The following MTM1 variants were observed in gnomAD, a reference collection of about 807,000 sequenced individuals.
MTM1 encodes the protein myotubularin.
A neutral mutation model predicts 52.1 loss-of-function variants in MTM1; 9 were observed. The ratio of observed to expected loss-of-function variants is 0.17; its 90% CI spans 0.10 to 0.30. MTM1 has a LOEUF of 0.30. Ranked by LOEUF, MTM1 falls within the 10% of genes least tolerant of loss-of-function variation. The pLI is 1.00. For missense variants in MTM1, 277 were observed against 470.7 expected (o/e 0.59, Z 3.81); for synonymous variants, 136 against 163.8 (o/e 0.83, Z 1.29).
At chrX:150,573,934 T>TGA (rs2038423341) in intron 1 of MTM1, among the ~76,000 whole-genome samples, 2 of 111,943 alleles carry the variant, frequency 1.8e-5, no homozygotes, top group African/African-American at 6.5e-5. Context: ...TTGGTTTCAG[T>TGA]GAGACCCCAG....
intron 1 of MTM1, among the ~76,000 whole-genome samples, chrX:150,588,834 C>G (rs1018466448): frequency 2.7e-5 from 3 of 111,859 alleles, no homozygotes; most frequent in Non-Finnish European, 3.8e-5. Flanking sequence ...CCTGCCTGGA[C>G]CATCCTGATC....
chrX:150,598,731 A>G (rs1383353631), intron 4 of MTM1, 45 bp downstream of exon 4: 3 of 856,113 alleles, frequency 3.5e-6, no homozygotes, highest in African/African-American at 2.0e-5. Flanking sequence ...ACTGTTAAAG[A>G]TAATGCTAAA....
chrX:150,589,968 G>A (rs1240075866), intron 1 of MTM1, among the ~76,000 whole-genome samples: 3 of 111,136 alleles, frequency 2.7e-5, no homozygotes, highest in Non-Finnish European at 5.7e-5. Context: ...ACACTGTGTG[G>A]TTCCAAGCCC....
At chrX:150,583,349 TTA>T (rs2038647670) in intron 1 of MTM1, among the ~76,000 whole-genome samples, 3 of 42,747 alleles carry the variant, frequency 7.0e-5, no homozygotes, top group Non-Finnish European at 1.1e-4. Context: ...TTATATATAA[TTA>T]TAAATATATA....
At chrX:150,666,325 A>G (rs781975252) in intron 14 of MTM1, among the ~76,000 whole-genome samples, 1 of 112,228 alleles carries the variant, frequency 8.9e-6, no homozygotes, top group South Asian at 3.7e-4. Context: ...ACTTCTATAT[A>G]TTTTATACCC....
intron 1 of MTM1, among the ~76,000 whole-genome samples, chrX:150,576,774 G>T (rs1049941951): frequency 2.7e-5 from 3 of 111,296 alleles, no homozygotes; most frequent in African/African-American, 9.8e-5. Flanking sequence ...TCAGCCTCTT[G>T]CCCTTTTCAC....
Position 150,671,567 on chromosome X carries a change from T to C in MTM1, c.1784T>C (p.Met595Thr). The C allele has an allele frequency of 8.3e-7, 1 of 1,211,338 alleles. No homozygotes were observed. Among genetic ancestry groups the C allele is most frequent in the South Asian group, 1.8e-5 (1 of 56,953 alleles). Residue 595 changes from methionine to threonine, a missense_variant, in exon 15 of 15, where the codon ATG (methionine) becomes ACG (threonine). By Grantham distance (81) the Met-to-Thr change is moderately conservative. This residue lies in a region of MTM1 where 51 missense variants were observed against 52.2 expected (regional missense o/e 0.98). Coordinates refer to ENST00000370396, the MANE Select transcript of MTM1 (RefSeq NM_000252.3). ...PPTSPSSPSQ[M>T]MPHVQTHF ...ACTTCACCTTCCAGTCCTTCGCAAATGATGCCCCATGTGCAAACTCACTTC... is the reference window on the plus strand; with the variant it reads ...ACTTCACCTTCCAGTCCTTCGCAAACGATGCCCCATGTGCAAACTCACTTC...
At chrX:150,596,031 A>AC (rs782240428) in intron 2 of MTM1, among the ~76,000 whole-genome samples, 26 of 110,344 alleles carry the variant, frequency 2.4e-4, no homozygotes, top group African/African-American at 7.9e-4. Context: ...ATAGGTAATC[A>AC]ATGATTTTCG....
intron 6 of MTM1, among the ~76,000 whole-genome samples, chrX:150,625,519 A>C (rs781817945): frequency 1.8e-5 from 2 of 112,302 alleles, no homozygotes; most frequent in Admixed American, 1.9e-4. Flanking sequence ...TTTGAAAGTC[A>C]GAGCATAATA....
chrX:150,565,993 T>TAC (rs782745793), upstream of MTM1, among the ~76,000 whole-genome samples: 8,087 of 88,317 alleles, frequency 0.092, 485 homozygotes, highest in African/African-American at 0.19. Context: ...TGAAGATTCC[T>TAC]ACACACACAC....
chrX:150,592,054 A>G (rs782199789), intron 1 of MTM1, among the ~76,000 whole-genome samples: 1 of 112,535 alleles, frequency 8.9e-6, no homozygotes, highest in African/African-American at 3.2e-5. Context: ...AATGAAGTAT[A>G]TACTTTCCCT....
At chrX:150,592,846 CTTTTT>C (rs1184716210) in intron 2 of MTM1, among the ~76,000 whole-genome samples, 169 bp downstream of exon 2, 1 of 99,652 alleles carries the variant, frequency 1.0e-5, no homozygotes, top group African/African-American at 3.6e-5. Context: ...TCTAGAAAAG[CTTTTT>C]TTTTTTTTTG....
intron 14 of MTM1, among the ~76,000 whole-genome samples, chrX:150,665,295 A>AT (rs1557414880): frequency 8.9e-6 from 1 of 112,103 alleles, no homozygotes; most frequent in Non-Finnish European, 1.9e-5. Context: ...CACTAGGGGG[A>AT]TGCAGAGATT....
intron 14 of MTM1, among the ~76,000 whole-genome samples, chrX:150,664,227 T>C (rs1160827364): frequency 8.9e-6 from 1 of 112,885 alleles, no homozygotes; most frequent in African/African-American, 3.2e-5. Context: ...CAGCCTGCAG[T>C]ACTTCAGTTT....
intron 6 of MTM1, 47 bp downstream of exon 6, chrX:150,619,186 C>G: frequency 1.0e-6 from 1 of 961,384 alleles, no homozygotes; most frequent in Non-Finnish European, 1.5e-6. Context: ...TCAGTGCCTC[C>G]TCTGTGAAAA....
intron 1 of MTM1, among the ~76,000 whole-genome samples, chrX:150,587,304 G>A (rs782178359): frequency 2.7e-5 from 3 of 111,799 alleles, no homozygotes; most frequent in East Asian, 5.6e-4. Flanking sequence ...AATGCAGGGC[G>A]TGACAGCCTG....
intron 5 of MTM1, among the ~76,000 whole-genome samples, chrX:150,616,957 C>G (rs371781006): frequency 1.8e-5 from 2 of 111,665 alleles, no homozygotes; most frequent in East Asian, 5.7e-4. Flanking sequence ...GACTCTTAGC[C>G]CATGTGGATC....
intron 9 of MTM1, among the ~76,000 whole-genome samples, chrX:150,648,524 AGTT>A (rs2039970701): frequency 8.9e-6 from 1 of 112,121 alleles, no homozygotes; most frequent in South Asian, 3.7e-4. Context: ...GGCACTCTGG[AGTT>A]AGTATAATAT....
chrX:150,586,913 C>A (rs78500212), intron 1 of MTM1, among the ~76,000 whole-genome samples: 873 of 59,199 alleles, frequency 0.015, no homozygotes, highest in African/African-American at 0.018. Flanking sequence ...CACTCTGTCT[C>A]AAAAAAAAAA....
Sources: gnomAD v4.1 joint callset for allele counts (sites outside exome capture counted in the v4.1 genomes callset) on GRCh38, gnomAD v4.1.1 for gene constraint, gnomAD v4.1.1 regional missense constraint, MANE v1.5 for transcripts, NCBI Gene and HGNC (gene_info 2026-07-23, HGNC 2026-07-21) for gene names.